The following PTPRD variants were observed in gnomAD, a reference collection of about 807,000 sequenced individuals.
The protein encoded by PTPRD is protein tyrosine phosphatase receptor type D.
Under a neutral mutation model 214.5 loss-of-function variants are expected in PTPRD, and 34 were observed. That is an observed-to-expected ratio of 0.16 (90% CI 0.12 to 0.21). The LOEUF (loss-of-function observed/expected upper bound fraction) is 0.21, where lower values mean the gene tolerates loss of function less well. Ranked by LOEUF, PTPRD falls within the 10% of genes least tolerant of loss-of-function variation. PTPRD has a pLI of 1.00. For synonymous variants in PTPRD, 1,128 were observed against 845.7 expected, an observed-to-expected ratio of 1.33 and a Z score of -5.79; for missense variants, 2,545 against 2,398.7, an observed-to-expected ratio of 1.06 and a Z score of -1.27.
chr9:10,584,025 A>G (rs1027519584), intron 2 of PTPRD, among the ~76,000 whole-genome samples: 1 of 152,132 alleles, frequency 6.6e-6, no homozygotes, highest in Non-Finnish European at 1.5e-5. Flanking sequence ...TTCCTCTGTT[A>G]GTGAATTGTG....
intron 12 of PTPRD, among the ~76,000 whole-genome samples, chr9:8,677,917 G>C (rs75928542): frequency 7.4e-4 from 112 of 152,118 alleles, no homozygotes; most frequent in African/African-American, 2.3e-3. Flanking sequence ...TTTGATCTGT[G>C]GGGGGTCTTG....
intron 7 of PTPRD, among the ~76,000 whole-genome samples, chr9:9,575,747 GAAAGAAAGAAAAAGAAAAAAAGAA>G (rs2088414556): frequency 1.2e-4 from 8 of 64,572 alleles, no homozygotes; most frequent in Non-Finnish European, 2.4e-4. Flanking sequence ...AAAAAAAAAA[GAAAGAAAGAAAAAGAAAAAAAGAA>G]AAAGAAAGAA....
chr9:10,224,954 A>T (rs1318317989), intron 3 of PTPRD, among the ~76,000 whole-genome samples: 1 of 152,076 alleles, frequency 6.6e-6, no homozygotes, highest in Non-Finnish European at 1.5e-5. Flanking sequence ...TGTGTTAATT[A>T]ACTGTTTATG....
At chr9:10,112,202 T>A (rs1031602463) in intron 3 of PTPRD, among the ~76,000 whole-genome samples, 2 of 152,190 alleles carry the variant, frequency 1.3e-5, no homozygotes, top group Non-Finnish European at 2.9e-5. Context: ...TTAACTTGCT[T>A]TATGCCACCA....
intron 29 of PTPRD, among the ~76,000 whole-genome samples, chr9:8,484,891 C>T (rs2096965007): frequency 6.6e-6 from 1 of 152,002 alleles, no homozygotes; most frequent in Non-Finnish European, 1.5e-5. Context: ...TCAGAAACTC[C>T]CAGGGTATTA....
intron 7 of PTPRD, among the ~76,000 whole-genome samples, chr9:9,720,230 C>A (rs1441184109): frequency 6.6e-6 from 1 of 152,118 alleles, no homozygotes; most frequent in Non-Finnish European, 1.5e-5. Context: ...CAAAGTAGAT[C>A]TTCATAATTG....
intron 11 of PTPRD, among the ~76,000 whole-genome samples, chr9:8,994,881 T>C (rs2099390640): frequency 6.6e-6 from 1 of 152,130 alleles, no homozygotes; most frequent in South Asian, 2.1e-4. Context: ...ACTTATATCC[T>C]ACTGCTCAAA....
intron 8 of PTPRD, among the ~76,000 whole-genome samples, chr9:9,486,359 C>A (rs551362519): frequency 6.6e-6 from 1 of 152,034 alleles, no homozygotes; most frequent in East Asian, 1.9e-4. Context: ...AAATACTATT[C>A]CCAAGGCAAC....
At chr9:8,872,369 C>T (rs2098315505) in intron 11 of PTPRD, among the ~76,000 whole-genome samples, 1 of 152,206 alleles carries the variant, frequency 6.6e-6, no homozygotes, top group Non-Finnish European at 1.5e-5. Flanking sequence ...TTCAGAAAAA[C>T]AAAAGACTTC....
intron 9 of PTPRD, among the ~76,000 whole-genome samples, chr9:9,321,409 G>T (rs1243360530): frequency 6.6e-6 from 1 of 152,024 alleles, no homozygotes; most frequent in Non-Finnish European, 1.5e-5. Context: ...TGCAAAATCA[G>T]CCGGGCGTGG....
At chr9:8,461,038 A>G (rs2096384919) in intron 32 of PTPRD, among the ~76,000 whole-genome samples, 1 of 152,076 alleles carries the variant, frequency 6.6e-6, no homozygotes, top group Non-Finnish European at 1.5e-5. Flanking sequence ...ACAATGCAAA[A>G]TAAGTCAGTA....
intron 8 of PTPRD, among the ~76,000 whole-genome samples, chr9:9,412,048 G>C (rs936443581): frequency 6.6e-6 from 1 of 152,154 alleles, no homozygotes; most frequent in East Asian, 1.9e-4. Flanking sequence ...GCTATGCCTA[G>C]ATGTCTGAGC....
intron 8 of PTPRD, among the ~76,000 whole-genome samples, chr9:9,560,399 G>T (rs2082608639): frequency 6.6e-6 from 1 of 152,206 alleles, no homozygotes; most frequent in Admixed American, 6.5e-5. Flanking sequence ...CCGCAGCACA[G>T]TTACAAATGC....
chr9:9,139,327 G>A (rs1424793055), intron 10 of PTPRD, among the ~76,000 whole-genome samples: 3 of 152,076 alleles, frequency 2.0e-5, no homozygotes, highest in East Asian at 1.9e-4. Flanking sequence ...ATGTTGATGA[G>A]GAAAAAAATT....
chr9:8,720,729 C>T (rs542281182), intron 12 of PTPRD, among the ~76,000 whole-genome samples: 5 of 152,136 alleles, frequency 3.3e-5, no homozygotes, highest in African/African-American at 1.2e-4. Context: ...AAAAGCCACT[C>T]AGTGCTTCTC....
intron 14 of PTPRD, among the ~76,000 whole-genome samples, chr9:8,569,357 T>C (rs1328915284): frequency 6.6e-6 from 1 of 152,150 alleles, no homozygotes; most frequent in Non-Finnish European, 1.5e-5. Flanking sequence ...TGCTTGAAAT[T>C]ATGAATGCAG....
intron 12 of PTPRD, among the ~76,000 whole-genome samples, chr9:8,719,536 G>C (rs143219467): frequency 5.3e-5 from 8 of 152,306 alleles, no homozygotes; most frequent in Non-Finnish European, 1.0e-4. Flanking sequence ...AGGTGAGTAA[G>C]GTCAAAAGCA....
chr9:8,765,704 T>G (rs1267236430), intron 11 of PTPRD, among the ~76,000 whole-genome samples: 1 of 152,222 alleles, frequency 6.6e-6, no homozygotes, highest in African/African-American at 2.4e-5. Flanking sequence ...AAATGCTGTT[T>G]TAAGTTGTTA....
At chr9:9,854,529 G>C (rs1387210780) in intron 5 of PTPRD, among the ~76,000 whole-genome samples, 1 of 150,490 alleles carries the variant, frequency 6.6e-6, no homozygotes, top group Non-Finnish European at 1.5e-5. Context: ...GAAAAAAAAA[G>C]ATATCTAATC....
Sources: allele counts gnomAD v4.1 joint callset (sites outside exome capture counted in the v4.1 genomes callset), GRCh38; gene constraint gnomAD v4.1.1; transcripts MANE v1.5; gene names NCBI Gene and HGNC (gene_info 2026-07-23, HGNC 2026-07-21).